Variants in CENPC observed in about 807,000 individuals in gnomAD.
CENPC encodes the protein centromere protein C.
CENPC carries 63 observed loss-of-function variants against 112.1 expected under a neutral mutation model. The ratio of observed to expected loss-of-function variants is 0.56; its 90% CI spans 0.46 to 0.69. CENPC has a LOEUF of 0.69. Ranked by LOEUF, CENPC falls within the 30% of genes least tolerant of loss-of-function variation. The pLI is 0.00. For synonymous variants in CENPC, 333 were observed against 367.6 expected, an observed-to-expected ratio of 0.91 and a Z score of 1.08; for missense variants, 1,000 against 1,103.8, an observed-to-expected ratio of 0.91 and a Z score of 1.33.
chr4:67,504,803 CAG>C (rs1416906967), intron 12 of CENPC, among the ~76,000 whole-genome samples: 1 of 151,312 alleles, frequency 6.6e-6, no homozygotes, highest in Admixed American at 6.6e-5. Flanking sequence ...GCCTGGGAGA[CAG>C]AGCGAGACTC....
intron 9 of CENPC, among the ~76,000 whole-genome samples, chr4:67,510,249 C>T (rs1012808291): frequency 1.3e-5 from 2 of 152,130 alleles, no homozygotes; most frequent in African/African-American, 4.8e-5. Flanking sequence ...AAGCTCTCTG[C>T]TCCAGATCTC....
intron 17 of CENPC, among the ~76,000 whole-genome samples, chr4:67,487,894 A>G (rs1175518169): frequency 6.6e-6 from 1 of 151,642 alleles, no homozygotes; most frequent in African/African-American, 2.4e-5. Flanking sequence ...CTGGTTCTCC[A>G]TCTTGTCCTG....
chr4:67,516,869 A>G (rs1039365989), intron 7 of CENPC, among the ~76,000 whole-genome samples: 5 of 152,036 alleles, frequency 3.3e-5, no homozygotes, highest in African/African-American at 9.7e-5. Context: ...AAGGAAGAGC[A>G]TAAGTGGAAG....
At chr4:67,539,407 ATAGTT>A (rs1181475765) in intron 4 of CENPC, among the ~76,000 whole-genome samples, 3 of 152,194 alleles carry the variant, frequency 2.0e-5, no homozygotes, top group Non-Finnish European at 4.4e-5. Flanking sequence ...GCTACTTAGT[ATAGTT>A]AAGTCAACCA....
At chr4:67,516,629 A>G (rs1320715271) in intron 7 of CENPC, among the ~76,000 whole-genome samples, 2 of 152,054 alleles carry the variant, frequency 1.3e-5, no homozygotes, top group African/African-American at 2.4e-5. Context: ...ATATAATTAG[A>G]AAACTCTATA....
intron 4 of CENPC, among the ~76,000 whole-genome samples, chr4:67,531,820 G>A (rs897101667): frequency 1.3e-5 from 2 of 152,120 alleles, no homozygotes; most frequent in African/African-American, 4.8e-5. Context: ...TGTGTATCCT[G>A]GCTGAATGAC....
intron 17 of CENPC, among the ~76,000 whole-genome samples, chr4:67,479,111 C>A (rs1724886698): frequency 6.6e-6 from 1 of 152,088 alleles, no homozygotes; most frequent in Non-Finnish European, 1.5e-5. Flanking sequence ...TAGACGGCAA[C>A]ACACTTATAC....
At chr4:67,499,282 C>T (rs1475275628) in intron 12 of CENPC, among the ~76,000 whole-genome samples, 1 of 152,148 alleles carries the variant, frequency 6.6e-6, no homozygotes, top group Non-Finnish European at 1.5e-5. Flanking sequence ...CATGCATTGA[C>T]TTCTCCTCAG....
rs764336269 is a variant in CENPC at position 67,545,306 on chromosome 4, C to T, written c.18+32G>A. ...GCCCGTGCCCCAGCCAGCCGCTCAA[C>T]CACTCGCCTGGAGCGGGGGGCCTGC... is the stretch of plus-strand genomic sequence containing the variant. On this transcript the variant is annotated intron_variant, in intron 1 of 18. Transcript: ENST00000273853. 3.0e-5 allele frequency: 44 copies of T among 1,463,466 alleles called. 1 individual carries two copies. In the Admixed American group the frequency reaches 7.5e-4, roughly 25 times the overall value. The allele number at this position is 1,463,466 out of a possible 1,614,324, so 90.7% of individuals were successfully genotyped here.
chr4:67,481,858 C>T (rs13117786), intron 17 of CENPC, among the ~76,000 whole-genome samples: 28 of 151,944 alleles, frequency 1.8e-4, no homozygotes, highest in Non-Finnish European at 3.1e-4. Context: ...GACTTCATGA[C>T]CAAGAATCCA....
chr4:67,545,286 T>C (rs1450323396), intron 1 of CENPC, 52 bp downstream of exon 1: 12 of 1,451,542 alleles, frequency 8.3e-6, no homozygotes, highest in South Asian at 2.7e-5. Flanking sequence ...CGGGCGCCCG[T>C]GCCCCAGCCA....
At chr4:67,488,266 T>G (rs1396310590) in intron 17 of CENPC, among the ~76,000 whole-genome samples, 2 of 149,300 alleles carry the variant, frequency 1.3e-5, no homozygotes, top group East Asian at 3.8e-4. Context: ...GTGCAGTACC[T>G]GGAACACATA....
At chr4:67,528,790 A>G (rs1335629064) in intron 5 of CENPC, among the ~76,000 whole-genome samples, 1 of 152,136 alleles carries the variant, frequency 6.6e-6, no homozygotes, top group African/African-American at 2.4e-5. Flanking sequence ...TTAGTATACA[A>G]ATGTCTGCTT....
intron 17 of CENPC, among the ~76,000 whole-genome samples, chr4:67,476,806 C>A (rs1724817146): frequency 6.6e-6 from 1 of 152,194 alleles, no homozygotes; most frequent in Admixed American, 6.5e-5. Flanking sequence ...CACTGGCTGT[C>A]TGGATACAAA....
At chr4:67,506,411 C>G (rs1002313606) in intron 11 of CENPC, among the ~76,000 whole-genome samples, 2 of 152,114 alleles carry the variant, frequency 1.3e-5, no homozygotes, top group Non-Finnish European at 2.9e-5. Flanking sequence ...TCTCTTGGAG[C>G]ATTTGCTTTG....
At chr4:67,477,490 C>T (rs1724837313) in intron 17 of CENPC, among the ~76,000 whole-genome samples, 1 of 152,110 alleles carries the variant, frequency 6.6e-6, no homozygotes, top group East Asian at 1.9e-4. Flanking sequence ...AAGCATAATC[C>T]CTAGGGGAAG....
chr4:67,478,230 A>G (rs943675461), intron 17 of CENPC, among the ~76,000 whole-genome samples: 1 of 152,190 alleles, frequency 6.6e-6, no homozygotes, highest in Non-Finnish European at 1.5e-5. Flanking sequence ...AAAGATCATC[A>G]CCTAGCCACA....
At chr4:67,513,781 T>G (rs941774272) in intron 8 of CENPC, among the ~76,000 whole-genome samples, 1 of 152,290 alleles carries the variant, frequency 6.6e-6, no homozygotes, top group African/African-American at 2.4e-5. Flanking sequence ...TTTTATTTTC[T>G]AAATAATTTA....
At chr4:67,521,433 T>C (rs886423582) in intron 5 of CENPC, among the ~76,000 whole-genome samples, 2 of 152,128 alleles carry the variant, frequency 1.3e-5, no homozygotes, top group Non-Finnish European at 2.9e-5. Flanking sequence ...AAATATTATT[T>C]TAAATTTTCC....
Sources: gnomAD v4.1 joint callset for allele counts (sites outside exome capture counted in the v4.1 genomes callset) on GRCh38, gnomAD v4.1.1 for gene constraint, MANE v1.5 for transcripts, NCBI Gene and HGNC (gene_info 2026-07-23, HGNC 2026-07-21) for gene names.